The following ARL9 variants were observed in gnomAD, a reference collection of about 807,000 sequenced individuals.
The protein encoded by ARL9 is ADP-ribosylation factor-like protein 9.
ARL9 carries 14 observed loss-of-function variants against 27.0 expected under a neutral mutation model. The ratio of observed to expected loss-of-function variants is 0.52; its 90% CI spans 0.34 to 0.81. The LOEUF is 0.81. Ranked by LOEUF, ARL9 falls within the 30% of genes least tolerant of loss-of-function variation. ARL9 has a pLI of 0.01. For synonymous variants in ARL9, 106 were observed against 108.7 expected, an observed-to-expected ratio of 0.98 and a Z score of 0.15; for missense variants, 294 against 290.0, an observed-to-expected ratio of 1.01 and a Z score of -0.10.
In ARL9 at chr4:56,509,478, A is replaced by G. The variant is rs1259313517; in HGVS notation, c.280-1707A>G. 3.3e-5 allele frequency among the ~76,000 whole-genome samples: 5 copies of G among 151,464 alleles called. No individual in the cohort carries two copies. In the East Asian group the frequency reaches 9.7e-4, roughly 29 times the overall value. On this transcript the variant is annotated intron_variant, in intron 1 of 3. Coordinates refer to ENST00000640821, the MANE Select transcript of ARL9 (RefSeq NM_001363794.2). Reference sequence around the variant, plus strand: ...GCCTCCTCAAGTGCTGGGATTACAGATGAGAGCCACGATGCCTGGACTAGA... The same window carrying G: ...GCCTCCTCAAGTGCTGGGATTACAGGTGAGAGCCACGATGCCTGGACTAGA...
chr4:56,517,420 C>G (rs1331802493), intron 2 of ARL9, among the ~76,000 whole-genome samples: 1 of 152,194 alleles, frequency 6.6e-6, no homozygotes, highest in African/African-American at 2.4e-5. Context: ...AGGCCACATG[C>G]TCTCTGTTGC....
chr4:56,505,667 G>C (rs1578204774), upstream of ARL9: 3 of 890,826 alleles, frequency 3.4e-6, no homozygotes, highest in East Asian at 8.6e-5. Context: ...TCAGCGAATC[G>C]GCTGCAAGAA....
intron 3 of ARL9, among the ~76,000 whole-genome samples, chr4:56,522,008 CAG>C (rs1275715315): frequency 2.0e-5 from 3 of 148,026 alleles, no homozygotes; most frequent in African/African-American, 7.5e-5. Flanking sequence ...TTTTTTTTGA[CAG>C]AGTCTCACTC....
At chr4:56,510,526 T>A in intron 1 of ARL9, among the ~76,000 whole-genome samples, 1 of 152,020 alleles carries the variant, frequency 6.6e-6, no homozygotes, top group East Asian at 1.9e-4. Context: ...ACAAAATGAA[T>A]TCAGGTGCAG....
At chr4:56,514,359 G>T (rs1411954023) in intron 2 of ARL9, among the ~76,000 whole-genome samples, 2 of 152,170 alleles carry the variant, frequency 1.3e-5, no homozygotes, top group South Asian at 4.1e-4. Flanking sequence ...CGAAGCCAAT[G>T]AAATTGATGA....
At chr4:56,516,126 C>T (rs1721759723) in intron 2 of ARL9, among the ~76,000 whole-genome samples, 1 of 152,076 alleles carries the variant, frequency 6.6e-6, no homozygotes, top group Admixed American at 6.6e-5. Context: ...ACTAGAGAGT[C>T]CACTGGGGAA....
At chr4:56,510,889 A>G (rs1348118664) in intron 1 of ARL9, among the ~76,000 whole-genome samples, 1 of 151,104 alleles carries the variant, frequency 6.6e-6, no homozygotes, top group Non-Finnish European at 1.5e-5. Flanking sequence ...TTTGTGCCTC[A>G]GCCTCCCAAG....
At chr4:56,505,271 C>T (rs1578204364), upstream of ARL9, 1 of 384,138 alleles carries the variant, frequency 2.6e-6, no homozygotes, top group East Asian at 7.6e-5. Flanking sequence ...AGTCTGGAGA[C>T]ACTCCTAGCG....
chr4:56,508,022 A>C (rs1303290818), intron 1 of ARL9, among the ~76,000 whole-genome samples: 1 of 152,106 alleles, frequency 6.6e-6, no homozygotes, highest in African/African-American at 2.4e-5. Flanking sequence ...CAATTGTCAA[A>C]GACATTCTAA....
intron 1 of ARL9, 56 bp from the exon 2 acceptor site, chr4:56,511,129 C>T: frequency 3.5e-6 from 5 of 1,438,170 alleles, no homozygotes; most frequent in Non-Finnish European, 4.6e-6. Flanking sequence ...TGCCAAGACC[C>T]AGAAAAATGA....
chr4:56,518,625 G>A, intron 2 of ARL9, 53 bp from the exon 3 acceptor site: 1 of 1,530,200 alleles, frequency 6.5e-7, no homozygotes, highest in Non-Finnish European at 8.9e-7. Flanking sequence ...CCCTGGGTGG[G>A]TGCTTCTGTG....
At chr4:56,518,894 G>A (rs369065320) in intron 3 of ARL9, 41 bp downstream of exon 3, 1 of 1,555,184 alleles carries the variant, frequency 6.4e-7, no homozygotes, top group Non-Finnish European at 8.8e-7. Context: ...CAAGAGTTTT[G>A]TAATACAAGA....
intron 2 of ARL9, among the ~76,000 whole-genome samples, chr4:56,516,106 A>G (rs1427394410): frequency 1.3e-5 from 2 of 152,194 alleles, no homozygotes; most frequent in African/African-American, 2.4e-5. Flanking sequence ...CAAAACGACC[A>G]AAGGAACAGA....
At chr4:56,508,726 A>G (rs187620143) in intron 1 of ARL9, among the ~76,000 whole-genome samples, 1 of 152,244 alleles carries the variant, frequency 6.6e-6, no homozygotes, top group Admixed American at 6.5e-5. Flanking sequence ...TGGCCTTCAT[A>G]AATCATGATC....
chr4:56,523,732 T>G lies in ARL9; in HGVS notation c.654T>G (p.His218Gln). Residue 218 changes from histidine to glutamine, a missense_variant, in exon 4 of 4, where the codon CAT (histidine) becomes CAG (glutamine). By Grantham distance (24) the His-to-Gln change is conservative (BLOSUM62 0). Transcript: ENST00000640821. ...LEAAYHITDIHEALALSEVGN... is the reference protein window; with the variant it reads ...LEAAYHITDIQEALALSEVGN... ...CAGCCTATCACATTACAGATATCCATGAAGCTTTGGCATTATCTGAAGTGG... is the reference window on the plus strand; with the variant it reads ...CAGCCTATCACATTACAGATATCCAGGAAGCTTTGGCATTATCTGAAGTGG... The G allele has an allele frequency of 6.2e-7, 1 of 1,613,932 alleles. No individual in the cohort carries two copies. The highest frequency in any genetic ancestry group is 8.5e-7 in the Non-Finnish European group (1 of 1,179,838).
chr4:56,514,357 A>G (rs921483406), intron 2 of ARL9, among the ~76,000 whole-genome samples: 18 of 152,350 alleles, frequency 1.2e-4, no homozygotes, highest in Admixed American at 8.5e-4. Flanking sequence ...CACGAAGCCA[A>G]TGAAATTGAT....
At chr4:56,506,530 G>A (rs184998607) in intron 1 of ARL9, 1 of 635,018 alleles carries the variant, frequency 1.6e-6, no homozygotes, top group African/African-American at 3.1e-5. Flanking sequence ...CCCACACGCA[G>A]GCCCTCTTTG....
intron 2 of ARL9, 97 bp downstream of exon 2, chr4:56,511,444 A>G: frequency 7.8e-7 from 1 of 1,284,964 alleles, no homozygotes. Context: ...GAAAACTAAC[A>G]CTGAATCAAA....
At chr4:56,511,063 G>A (rs1481561788) in intron 1 of ARL9, 122 bp from the exon 2 acceptor site, 11 of 986,682 alleles carry the variant, frequency 1.1e-5, no homozygotes, top group South Asian at 6.5e-5. Flanking sequence ...GTGAGCCACC[G>A]CACCTGGCCC....
Sources: gnomAD v4.1 joint callset for allele counts (sites outside exome capture counted in the v4.1 genomes callset) on GRCh38, gnomAD v4.1.1 for gene constraint, MANE v1.5 for transcripts, NCBI Gene and HGNC (gene_info 2026-07-23, HGNC 2026-07-21) for gene names.